Variants in SYT17 observed in about 807,000 individuals in gnomAD.
SYT17 encodes the protein synaptotagmin-17.
Under a neutral mutation model 46.7 loss-of-function variants are expected in SYT17, and 22 were observed. The observed-to-expected ratio is 0.47, with a 90% confidence interval of 0.34 to 0.67. The LOEUF (loss-of-function observed/expected upper bound fraction) is 0.67, where lower values mean the gene tolerates loss of function less well. Ranked by LOEUF, SYT17 falls within the 30% of genes least tolerant of loss-of-function variation. The pLI is 0.01. For synonymous variants in SYT17, 251 were observed against 248.4 expected (o/e 1.01, Z -0.10); for missense variants, 519 against 612.8 (o/e 0.85, Z 1.62).
chr16:19,191,349 G>C (rs1275726208), intron 5 of SYT17, among the ~76,000 whole-genome samples: 5 of 152,194 alleles, frequency 3.3e-5, no homozygotes. Context: ...GGGCAGAGCT[G>C]TTATCAATGA....
intron 7 of SYT17, among the ~76,000 whole-genome samples, chr16:19,258,465 A>G (rs1190553543): frequency 6.6e-6 from 1 of 151,760 alleles, no homozygotes; most frequent in African/African-American, 2.4e-5. Context: ...ACATGGTGAA[A>G]CCCCGTCTCT....
intron 4 of SYT17, among the ~76,000 whole-genome samples, chr16:19,181,537 C>T (rs925953584): frequency 6.6e-6 from 1 of 152,094 alleles, no homozygotes; most frequent in Non-Finnish European, 1.5e-5. Context: ...TTTCTTTAGG[C>T]CTCAGTCTTC....
chr16:19,184,562 A>T (rs1414531597), intron 5 of SYT17, among the ~76,000 whole-genome samples: 6 of 145,072 alleles, frequency 4.1e-5, no homozygotes, highest in Admixed American at 4.1e-4. Flanking sequence ...ATTTTTTTGT[A>T]TTTTTTTTTT....
At chr16:19,253,873 G>A (rs572178920) in intron 7 of SYT17, among the ~76,000 whole-genome samples, 3 of 152,092 alleles carry the variant, frequency 2.0e-5, no homozygotes, top group East Asian at 3.9e-4. Context: ...GATTACAGGC[G>A]CCTGCCACCA....
At chr16:19,222,209 C>T (rs576069708) in intron 5 of SYT17, among the ~76,000 whole-genome samples, 12 of 152,204 alleles carry the variant, frequency 7.9e-5, no homozygotes, top group African/African-American at 2.9e-4. Flanking sequence ...GGCAAAATGT[C>T]GATAATTGTT....
intron 7 of SYT17, among the ~76,000 whole-genome samples, chr16:19,247,899 T>C (rs1210747252): frequency 1.3e-5 from 2 of 152,174 alleles, no homozygotes; most frequent in African/African-American, 4.8e-5. Flanking sequence ...TTGAAAACCT[T>C]TGCTCTTCAA....
intron 7 of SYT17, among the ~76,000 whole-genome samples, chr16:19,240,513 G>T (rs1230944234): frequency 6.6e-6 from 1 of 152,070 alleles, no homozygotes; most frequent in African/African-American, 2.4e-5. Flanking sequence ...GTCTGGCTGA[G>T]TCCAGGGTTT....
chr16:19,175,988 G>T (rs1332968214), intron 3 of SYT17, among the ~76,000 whole-genome samples: 1 of 152,184 alleles, frequency 6.6e-6, no homozygotes, highest in East Asian at 1.9e-4. Flanking sequence ...GGTAAGGCAG[G>T]TATGTAAGTC....
rs750309537 is a variant in SYT17, at chr16:19,183,540, G to C, written c.344G>C (p.Arg115Thr). The change falls in exon 5 of 8, where the codon AGA becomes ACA. Residue 115 changes from arginine to threonine, a missense_variant. Physicochemically the swap from Arg to Thr is moderately conservative, Grantham distance 71 (BLOSUM62 -1). Coordinates refer to ENST00000355377, the MANE Select transcript of SYT17 (RefSeq NM_016524.4). The surrounding 1 kb of genome is among the most constrained non-coding windows in gnomAD (Gnocchi z 5.6). ...LTRRISSLES[R>T]RPSSPLIDIK... ...TGGTGGCTCTCAGGTCTTGAGTCAA[G>C]ACGTCCCAGCTCTCCACTCATCGAT... is the stretch of plus-strand genomic sequence containing the variant. The C allele has an allele frequency of 1.9e-6, 3 of 1,613,896 alleles. No homozygotes were observed. The South Asian group carries it at 3.3e-5, about 18-fold the overall frequency.
At chr16:19,173,648 T>C (rs1246351379) in intron 3 of SYT17, 70 bp downstream of exon 3, 5 of 1,551,694 alleles carry the variant, frequency 3.2e-6, no homozygotes, top group Non-Finnish European at 4.4e-6. Flanking sequence ...AGAAGGCGGG[T>C]TGGGGGTCTG....
chr16:19,205,913 G>A (rs1965653094), intron 5 of SYT17, among the ~76,000 whole-genome samples: 1 of 152,016 alleles, frequency 6.6e-6, no homozygotes, highest in Non-Finnish European at 1.5e-5. Context: ...CCACTTTAAT[G>A]TGAACTCCAA....
At chr16:19,180,231 T>A in intron 3 of SYT17, 160 bp from the exon 4 acceptor site, 1 of 663,242 alleles carries the variant, frequency 1.5e-6, no homozygotes, top group Admixed American at 2.8e-5. Context: ...CAAGACGTTG[T>A]TGAGAGTTTA....
At chr16:19,179,223 G>A (rs1208207320) in intron 3 of SYT17, among the ~76,000 whole-genome samples, 1 of 151,912 alleles carries the variant, frequency 6.6e-6, no homozygotes, top group Admixed American at 6.6e-5. Context: ...AAACTCCTGG[G>A]CTCAAGCAGT....
intron 5 of SYT17, among the ~76,000 whole-genome samples, chr16:19,204,577 GCA>G (rs1965594456): frequency 6.6e-6 from 1 of 151,966 alleles, no homozygotes; most frequent in African/African-American, 2.4e-5. Context: ...TTGAGGATGA[GCA>G]CCCCTGAGGA....
chr16:19,254,724 T>C (rs1264468939), intron 7 of SYT17, among the ~76,000 whole-genome samples: 1 of 152,166 alleles, frequency 6.6e-6, no homozygotes, highest in Non-Finnish European at 1.5e-5. Context: ...CTGAAACAAA[T>C]GTAGAGAGGA....
intron 5 of SYT17, among the ~76,000 whole-genome samples, chr16:19,201,107 A>G (rs565268854): frequency 2.0e-5 from 3 of 152,310 alleles, no homozygotes; most frequent in South Asian, 2.1e-4. Flanking sequence ...CTACTGCCGG[A>G]CAGTCCAGGG....
At chr16:19,232,553 C>T (rs143562318) in intron 7 of SYT17, among the ~76,000 whole-genome samples, 47 of 152,104 alleles carry the variant, frequency 3.1e-4, no homozygotes, top group African/African-American at 9.2e-4. Context: ...ACCCTTGGCC[C>T]GGTGCGGTGG....
chr16:19,197,203 G>A (rs1965281878), intron 5 of SYT17, among the ~76,000 whole-genome samples: 1 of 152,242 alleles, frequency 6.6e-6, no homozygotes, highest in African/African-American at 2.4e-5. Context: ...CTGATGAACA[G>A]CAGTGTTTTG....
chr16:19,229,348 C>T (rs556824995), intron 7 of SYT17, among the ~76,000 whole-genome samples: 7 of 152,134 alleles, frequency 4.6e-5, no homozygotes, highest in Non-Finnish European at 8.8e-5. Flanking sequence ...CCTCAGGAAA[C>T]GTACAATCAT....
Sources: allele counts gnomAD v4.1 joint callset (sites outside exome capture counted in the v4.1 genomes callset), GRCh38; gene constraint gnomAD v4.1.1; non-coding constraint Gnocchi (gnomAD v3.1); transcripts MANE v1.5; gene names NCBI Gene and HGNC (gene_info 2026-07-23, HGNC 2026-07-21).